The following UGT1A8 variants were observed in gnomAD, a reference collection of about 807,000 sequenced individuals.
The protein encoded by UGT1A8 is UDP-glucuronosyltransferase 1A8.
UGT1A8 carries 39 observed loss-of-function variants against 45.3 expected under a neutral mutation model. The observed-to-expected ratio is 0.86, with a 90% CI of 0.67 to 1.12. The LOEUF is 1.12. Ranked by LOEUF, UGT1A8 falls within the 50% of genes most tolerant of loss-of-function variation. The pLI, the probability that UGT1A8 is intolerant of heterozygous loss-of-function variation, is 0.00. For synonymous variants in UGT1A8, 275 were observed against 249.2 expected (o/e 1.10, Z -0.97); for missense variants, 719 against 664.9 (o/e 1.08, Z -0.90).
intron 1 of UGT1A8, among the ~76,000 whole-genome samples, chr2:233,636,098 A>G (rs947228991): frequency 6.6e-6 from 1 of 150,994 alleles, no homozygotes; most frequent in Non-Finnish European, 1.5e-5. Context: ...TGAGATGCCA[A>G]TTTCTTTCTG....
intron 1 of UGT1A8, among the ~76,000 whole-genome samples, chr2:233,725,546 T>A (rs1230093464): frequency 2.0e-5 from 3 of 152,124 alleles, no homozygotes; most frequent in Non-Finnish European, 4.4e-5. Flanking sequence ...ATCACAAATA[T>A]TATCCTTTCA....
At chr2:233,648,798 C>A (rs2073668526) in intron 1 of UGT1A8, 1 of 925,754 alleles carries the variant, frequency 1.1e-6, no homozygotes, top group South Asian at 1.3e-5. Flanking sequence ...GAGTAAGGAA[C>A]CACATCTTCT....
intron 1 of UGT1A8, among the ~76,000 whole-genome samples, chr2:233,711,697 C>T (rs569258962): frequency 1.4e-3 from 217 of 152,312 alleles, no homozygotes; most frequent in Non-Finnish European, 2.6e-3. Context: ...GGGGTAACTT[C>T]CTCCCTAAGG....
chr2:233,729,130 G>A, intron 1 of UGT1A8: 3 of 1,613,182 alleles, frequency 1.9e-6, no homozygotes, highest in Non-Finnish European at 2.5e-6. Context: ...TGCTGAGATG[G>A]CCACAGGACT....
At chr2:233,718,637 T>G in intron 1 of UGT1A8, 10 of 1,451,642 alleles carry the variant, frequency 6.9e-6, no homozygotes, top group Non-Finnish European at 8.3e-6. Context: ...TTTCCCAGGG[T>G]TGGGCCCATA....
At chr2:233,765,087 G>A (rs1381800370) in intron 1 of UGT1A8, among the ~76,000 whole-genome samples, 3 of 152,094 alleles carry the variant, frequency 2.0e-5, no homozygotes, top group African/African-American at 7.2e-5. Flanking sequence ...CACATCTAGG[G>A]TGACCAGCAT....
intron 1 of UGT1A8, among the ~76,000 whole-genome samples, chr2:233,737,486 G>A (rs929571204): frequency 1.3e-5 from 2 of 152,176 alleles, no homozygotes; most frequent in African/African-American, 4.8e-5. Context: ...TCTAGGAAAG[G>A]GAAATCCCTC....
intron 1 of UGT1A8, among the ~76,000 whole-genome samples, chr2:233,620,681 T>G (rs2125448009): frequency 6.6e-6 from 1 of 152,330 alleles, no homozygotes; most frequent in East Asian, 1.9e-4. Flanking sequence ...TATTTATGAT[T>G]ATATGCATAA....
chr2:233,661,314 C>T (rs1328978967), intron 1 of UGT1A8, among the ~76,000 whole-genome samples: 1 of 152,080 alleles, frequency 6.6e-6, no homozygotes, highest in East Asian at 1.9e-4. Flanking sequence ...GTGGGCTGTG[C>T]ACACCATGGT....
chr2:233,762,058 G>A (rs1697953737), intron 1 of UGT1A8, among the ~76,000 whole-genome samples: 2 of 151,982 alleles, frequency 1.3e-5, no homozygotes, highest in Non-Finnish European at 2.9e-5. Context: ...TTCCTTCATA[G>A]CACATCAAAT....
chr2:233,652,299 C>T (rs192807961), intron 1 of UGT1A8, among the ~76,000 whole-genome samples: 19 of 152,298 alleles, frequency 1.2e-4, no homozygotes, highest in African/African-American at 4.1e-4. Context: ...AAATGTATAG[C>T]AAGGAGAGAC....
intron 1 of UGT1A8, among the ~76,000 whole-genome samples, chr2:233,714,275 A>G: frequency 6.6e-6 from 1 of 152,192 alleles, no homozygotes; most frequent in East Asian, 1.9e-4. Flanking sequence ...TGTTGACGTG[A>G]CAATTTTTAG....
chr2:233,698,592 A>T (rs1559349856), intron 1 of UGT1A8, among the ~76,000 whole-genome samples: 1 of 152,200 alleles, frequency 6.6e-6, no homozygotes, highest in Non-Finnish European at 1.5e-5. Flanking sequence ...TAATCCAAGA[A>T]ATTCGGATTA....
intron 1 of UGT1A8, among the ~76,000 whole-genome samples, chr2:233,720,689 A>G (rs964540844): frequency 1.3e-5 from 2 of 151,520 alleles, no homozygotes; most frequent in Non-Finnish European, 2.9e-5. Flanking sequence ...TTCTAAATCC[A>G]TTAAGGGAGC....
At chr2:233,745,739 A>G (rs1329170032) in intron 1 of UGT1A8, among the ~76,000 whole-genome samples, 2 of 141,886 alleles carry the variant, frequency 1.4e-5, no homozygotes, top group African/African-American at 2.7e-5. Flanking sequence ...AGGCAGAGGG[A>G]GGGGGCAAGC....
chr2:233,657,709 A>G (rs1400364312), intron 1 of UGT1A8, among the ~76,000 whole-genome samples: 1 of 152,190 alleles, frequency 6.6e-6, no homozygotes, highest in East Asian at 1.9e-4. Flanking sequence ...TCTAATGGGT[A>G]TGTAAATTAA....
chr2:233,637,422 GA>G (rs2073327036), intron 1 of UGT1A8: 2 of 1,547,264 alleles, frequency 1.3e-6, no homozygotes, highest in African/African-American at 2.8e-5. Context: ...TCTGGCTTTG[GA>G]AATTAAAAAA....
intron 2 of UGT1A8, 109 bp downstream of exon 2, chr2:233,767,274 T>C (rs1575825821): frequency 5.7e-6 from 9 of 1,580,016 alleles, no homozygotes. Context: ...ATTTGGCTTT[T>C]CCCTGCCACT....
chr2:233,736,858 C>G (rs2078820819), intron 1 of UGT1A8, among the ~76,000 whole-genome samples: 1 of 152,192 alleles, frequency 6.6e-6, no homozygotes, highest in South Asian at 2.1e-4. Flanking sequence ...GGCTGCAGAA[C>G]AGCAAATATT....
Sources: gnomAD v4.1 joint callset for allele counts (sites outside exome capture counted in the v4.1 genomes callset) on GRCh38, gnomAD v4.1.1 for gene constraint, MANE v1.5 for transcripts, NCBI Gene and HGNC (gene_info 2026-07-23, HGNC 2026-07-21) for gene names.